The following CDH13 variants were observed in gnomAD, a reference collection of about 807,000 sequenced individuals.
CDH13 encodes the protein cadherin 13.
In CDH13, 24 loss-of-function variants were observed where a neutral mutation model predicts 63.8. That is an observed-to-expected ratio of 0.38 (90% CI 0.27 to 0.53). The LOEUF is 0.53. Among genes scored for constraint, CDH13 ranks in the 20% least tolerant of loss-of-function variants. The probability of loss-of-function intolerance (pLI) is 0.85; values close to 1 mark genes in which losing one functional copy is unlikely to be tolerated. For synonymous variants in CDH13, 503 were observed against 355.3 expected, an observed-to-expected ratio of 1.42 and a Z score of -4.67; for missense variants, 1,049 against 903.1, an observed-to-expected ratio of 1.16 and a Z score of -2.07.
chr16:83,259,327 GACACAATGTTGGGC>G (rs1379361892), intron 5 of CDH13, among the ~76,000 whole-genome samples: 1 of 152,150 alleles, frequency 6.6e-6, no homozygotes, highest in Non-Finnish European at 1.5e-5. Context: ...TAAAACACTT[GACACAATGTTGGGC>G]ACACAGCGAG....
intron 4 of CDH13, among the ~76,000 whole-genome samples, chr16:83,194,784 C>T (rs537621162): frequency 2.6e-5 from 4 of 152,158 alleles, no homozygotes; most frequent in Non-Finnish European, 5.9e-5. Context: ...TTACCTGAGA[C>T]GGGTCTGTGG....
chr16:83,281,985 T>A (rs2089189646), intron 5 of CDH13, among the ~76,000 whole-genome samples: 1 of 152,178 alleles, frequency 6.6e-6, no homozygotes, highest in Admixed American at 6.6e-5. Context: ...GAGGGCCATG[T>A]GTCTCTTCTT....
intron 1 of CDH13, among the ~76,000 whole-genome samples, chr16:82,723,711 A>T (rs1013467656): frequency 6.6e-6 from 1 of 152,204 alleles, no homozygotes; most frequent in Non-Finnish European, 1.5e-5. Context: ...AATCTTTACA[A>T]TGTTCACTTG....
At chr16:82,973,062 A>C (rs781544398) in intron 2 of CDH13, among the ~76,000 whole-genome samples, 1 of 152,200 alleles carries the variant, frequency 6.6e-6, no homozygotes, top group Non-Finnish European at 1.5e-5. Flanking sequence ...AAATAGTTGG[A>C]GATACTTTCT....
At chr16:83,063,114 A>C (rs1468003732) in intron 3 of CDH13, among the ~76,000 whole-genome samples, 1 of 152,142 alleles carries the variant, frequency 6.6e-6, no homozygotes, top group African/African-American at 2.4e-5. Flanking sequence ...GGCACGTGCC[A>C]GCACGTCTGG....
intron 1 of CDH13, among the ~76,000 whole-genome samples, chr16:82,750,355 A>C (rs2151068683): frequency 6.6e-6 from 1 of 152,330 alleles, no homozygotes; most frequent in African/African-American, 2.4e-5. Context: ...ACCTCAGAGC[A>C]CTAAGCCCAA....
intron 4 of CDH13, among the ~76,000 whole-genome samples, chr16:83,127,070 A>G (rs1221010579): frequency 3.9e-5 from 6 of 152,234 alleles, no homozygotes; most frequent in Non-Finnish European, 7.3e-5. Flanking sequence ...AGTTACAGGT[A>G]TATCTGGTTG....
intron 1 of CDH13, among the ~76,000 whole-genome samples, chr16:82,629,711 A>T (rs1050240808): frequency 4.6e-5 from 7 of 152,160 alleles, no homozygotes; most frequent in African/African-American, 1.7e-4. Flanking sequence ...GCATTTTGGT[A>T]GGAGGTGAGG....
At chr16:82,969,306 G>C (rs984458845) in intron 2 of CDH13, among the ~76,000 whole-genome samples, 1 of 151,972 alleles carries the variant, frequency 6.6e-6, no homozygotes. Context: ...ATAAAAGAAT[G>C]AATGTGGCTG....
At chr16:82,704,381 A>G (rs1270559749) in intron 1 of CDH13, among the ~76,000 whole-genome samples, 2 of 152,180 alleles carry the variant, frequency 1.3e-5, no homozygotes, top group Non-Finnish European at 2.9e-5. Context: ...AATTTTATGT[A>G]AGCATTACTT....
intron 7 of CDH13, among the ~76,000 whole-genome samples, chr16:83,596,710 G>A (rs1009335394): frequency 6.6e-6 from 1 of 152,290 alleles, no homozygotes; most frequent in South Asian, 2.1e-4. Flanking sequence ...GAGGCAAGTG[G>A]AAGGTATTCT....
intron 2 of CDH13, among the ~76,000 whole-genome samples, chr16:82,935,454 C>T (rs187234949): frequency 1.4e-4 from 21 of 152,274 alleles, no homozygotes; most frequent in African/African-American, 4.8e-4. Context: ...TTTCATGAAG[C>T]TTTTTTGGTC....
intron 3 of CDH13, among the ~76,000 whole-genome samples, chr16:83,034,378 G>A (rs4366697): frequency 6.6e-6 from 1 of 152,130 alleles, no homozygotes; most frequent in South Asian, 2.1e-4. Flanking sequence ...ACCTAAAAAC[G>A]AATGTACGGC....
At chr16:83,571,856 C>G (rs913119461) in intron 7 of CDH13, among the ~76,000 whole-genome samples, 3 of 152,182 alleles carry the variant, frequency 2.0e-5, no homozygotes, top group Admixed American at 1.3e-4. Flanking sequence ...CCTCATTCCC[C>G]TGGCTCCTCA....
chr16:82,745,575 G>A (rs1486420650), intron 1 of CDH13, among the ~76,000 whole-genome samples: 1 of 152,130 alleles, frequency 6.6e-6, no homozygotes, highest in Non-Finnish European at 1.5e-5. Flanking sequence ...CTGAACTCCA[G>A]CCTGGGTGAC....
At chr16:82,842,130 A>G (rs2039046926) in intron 1 of CDH13, among the ~76,000 whole-genome samples, 1 of 48,262 alleles carries the variant, frequency 2.1e-5, no homozygotes, top group Non-Finnish European at 4.9e-5. Flanking sequence ...ATATATATAT[A>G]TATATATACA....
intron 4 of CDH13, among the ~76,000 whole-genome samples, chr16:83,163,727 G>A (rs1391479412): frequency 1.3e-5 from 2 of 152,028 alleles, no homozygotes; most frequent in East Asian, 1.9e-4. Flanking sequence ...TTCAGTGTGG[G>A]TTCTTGAGCT....
At chr16:82,801,468 C>T (rs2036850025) in intron 1 of CDH13, among the ~76,000 whole-genome samples, 1 of 152,198 alleles carries the variant, frequency 6.6e-6, no homozygotes, top group African/African-American at 2.4e-5. Flanking sequence ...CTCTGGCCCT[C>T]CCCACCCACA....
At chr16:83,390,538 A>G (rs2091766531) in intron 6 of CDH13, among the ~76,000 whole-genome samples, 1 of 151,462 alleles carries the variant, frequency 6.6e-6, no homozygotes, top group East Asian at 1.9e-4. Context: ...GTGATTAGGG[A>G]TTATCATTCC....
Sources: gnomAD v4.1 joint callset for allele counts (sites outside exome capture counted in the v4.1 genomes callset) on GRCh38, gnomAD v4.1.1 for gene constraint, MANE v1.5 for transcripts, NCBI Gene and HGNC (gene_info 2026-07-23, HGNC 2026-07-21) for gene names.